The following MECOM variants were observed in gnomAD, a reference collection of about 807,000 sequenced individuals.
The protein encoded by MECOM is histone-lysine N-methyltransferase MECOM.
MECOM carries 13 observed loss-of-function variants against 116.3 expected under a neutral mutation model. That is an observed-to-expected ratio of 0.11 (90% confidence interval 0.07 to 0.18). MECOM has a LOEUF of 0.18. Ranked by LOEUF, MECOM falls within the 10% of genes least tolerant of loss-of-function variation. The pLI is 1.00. For missense variants in MECOM, 1,299 were observed against 1,509.0 expected, an observed-to-expected ratio of 0.86 and a Z score of 2.31; for synonymous variants, 528 against 535.2, an observed-to-expected ratio of 0.99 and a Z score of 0.19.
At chr3:169,444,869 G>A (rs1744343887) in intron 1 of MECOM, among the ~76,000 whole-genome samples, 1 of 152,150 alleles carries the variant, frequency 6.6e-6, no homozygotes, top group Admixed American at 6.5e-5. Flanking sequence ...TGGAGATGAG[G>A]AACTTGTTGG....
At chr3:169,245,346 CT>C in intron 2 of MECOM, among the ~76,000 whole-genome samples, 1 of 152,192 alleles carries the variant, frequency 6.6e-6, no homozygotes. Context: ...GAGACATTAG[CT>C]TTAAAAAAGC....
intron 2 of MECOM, among the ~76,000 whole-genome samples, chr3:169,155,851 C>A (rs1741884935): frequency 1.3e-5 from 2 of 152,120 alleles, no homozygotes; most frequent in South Asian, 4.1e-4. Context: ...ACACTGACAG[C>A]GTTCAGGAGA....
intron 1 of MECOM, among the ~76,000 whole-genome samples, chr3:169,590,698 T>C (rs1766303688): frequency 6.6e-6 from 1 of 152,196 alleles, no homozygotes. Context: ...AATGAAAACC[T>C]TGGGATTTTT....
intron 2 of MECOM, among the ~76,000 whole-genome samples, chr3:169,334,532 G>T (rs1192609221): frequency 1.3e-5 from 2 of 152,096 alleles, no homozygotes; most frequent in African/African-American, 4.8e-5. Context: ...ATTCCAACCT[G>T]CAAGAACCAC....
intron 1 of MECOM, among the ~76,000 whole-genome samples, chr3:169,407,459 T>G (rs1736885360): frequency 1.3e-5 from 2 of 152,228 alleles, no homozygotes; most frequent in Non-Finnish European, 2.9e-5. Context: ...AAAACATTTT[T>G]TGTAATTTAT....
chr3:169,115,320 T>C (rs906440909), intron 8 of MECOM, 63 bp downstream of exon 8: 15 of 1,521,558 alleles, frequency 9.9e-6, no homozygotes, highest in South Asian at 3.9e-5. Flanking sequence ...GCCATCACTT[T>C]ACAGTGGAAA....
At chr3:169,158,118 G>A (rs1426273232) in intron 2 of MECOM, among the ~76,000 whole-genome samples, 1 of 152,146 alleles carries the variant, frequency 6.6e-6, no homozygotes, top group Non-Finnish European at 1.5e-5. Flanking sequence ...CTCAAAAAAA[G>A]TGTTGATTAA....
chr3:169,413,399 C>T (rs1737914251), intron 1 of MECOM, among the ~76,000 whole-genome samples: 2 of 152,194 alleles, frequency 1.3e-5, no homozygotes, highest in South Asian at 2.1e-4. Flanking sequence ...ACCACAAGTG[C>T]CCTCGGTATC....
chr3:169,279,092 A>C (rs1398283558), intron 2 of MECOM, among the ~76,000 whole-genome samples: 3 of 152,174 alleles, frequency 2.0e-5, no homozygotes, highest in Admixed American at 2.0e-4. Context: ...GGCTTAGTTC[A>C]CTCAAATGTG....
At chr3:169,085,157 C>T (rs889451309) in intron 16 of MECOM, 114 bp from the exon 17 acceptor site, 1 of 1,307,028 alleles carries the variant, frequency 7.7e-7, no homozygotes, top group African/African-American at 1.5e-5. Context: ...GGGCATCCTT[C>T]ATGGGTGTGT....
intron 2 of MECOM, among the ~76,000 whole-genome samples, chr3:169,223,774 G>A (rs919330520): frequency 6.6e-6 from 1 of 152,096 alleles, no homozygotes; most frequent in Non-Finnish European, 1.5e-5. Context: ...ATGTACATAG[G>A]AAAAGGTATT....
In MECOM at chr3:169,608,387, T is replaced by C. The variant is rs903987559; in HGVS notation, c.37+54949A>G. ...AGCCAATTCGGGCAGCTGATCAGAG[T>C]GGCCTTGAAAGCAGATCTCGAGTCA... On this transcript the variant is annotated intron_variant, in intron 1 of 16. Coordinates refer to ENST00000651503, the MANE Select transcript of MECOM (RefSeq NM_004991.4). Among the ~76,000 whole-genome samples the C allele has an allele frequency of 2.0e-5, 3 of 152,090 alleles. No individual in the cohort carries two copies. The South Asian group carries it at 6.2e-4, about 32-fold the overall frequency.
At chr3:169,462,413 A>G (rs1222914750) in intron 1 of MECOM, among the ~76,000 whole-genome samples, 1 of 152,162 alleles carries the variant, frequency 6.6e-6, no homozygotes, top group Non-Finnish European at 1.5e-5. Context: ...GGAGAGAAAA[A>G]AGAAGACAAC....
Position 169,197,234 on chromosome 3 carries a change from C to A in MECOM, c.376-53402G>T, listed in dbSNP as rs141976147. ...AGTACTGTGCTCGTTACCTGGGTGACAAAATAATCTGTACACCAAACCCCC... is the reference window on the plus strand; with the variant it reads ...AGTACTGTGCTCGTTACCTGGGTGAAAAAATAATCTGTACACCAAACCCCC... On this transcript the variant is annotated intron_variant, in intron 2 of 16. Coordinates refer to ENST00000651503, the MANE Select transcript of MECOM (RefSeq NM_004991.4). Among the ~76,000 whole-genome samples, 1,358 of 151,774 alleles carry A rather than the reference C, an allele frequency of 8.9e-3. 12 individuals carry two copies. Among genetic ancestry groups the A allele is most frequent in the Non-Finnish European group, 0.015 (1,022 of 67,876 alleles).
chr3:169,224,385 AAC>A (rs1752485134), intron 2 of MECOM, among the ~76,000 whole-genome samples: 1 of 152,342 alleles, frequency 6.6e-6, no homozygotes, highest in South Asian at 2.1e-4. Flanking sequence ...GTGGTCATCC[AAC>A]ACAACGTAAA....
intron 1 of MECOM, among the ~76,000 whole-genome samples, chr3:169,474,554 TTAGATA>T (rs1750051870): frequency 6.6e-6 from 1 of 152,136 alleles, no homozygotes; most frequent in Admixed American, 6.6e-5. Context: ...ATATTTATGA[TTAGATA>T]TAAAGTAACT....
At chr3:169,619,984 G>A (rs1194458593) in intron 1 of MECOM, among the ~76,000 whole-genome samples, 2 of 152,138 alleles carry the variant, frequency 1.3e-5, no homozygotes, top group Non-Finnish European at 2.9e-5. Context: ...AACAATAGCG[G>A]CTTCTTGTTT....
intron 3 of MECOM, among the ~76,000 whole-genome samples, chr3:169,137,687 T>C (rs1160964270): frequency 6.6e-6 from 1 of 152,100 alleles, no homozygotes; most frequent in Non-Finnish European, 1.5e-5. Flanking sequence ...GACCAAGATA[T>C]CTTTGGTGTG....
intron 1 of MECOM, among the ~76,000 whole-genome samples, chr3:169,440,462 T>C (rs370418313): frequency 1.5e-4 from 23 of 151,586 alleles, no homozygotes; most frequent in South Asian, 6.3e-4. Context: ...AAGAAAAGCA[T>C]TCCAGGCAGG....
Sources: allele counts gnomAD v4.1 joint callset (sites outside exome capture counted in the v4.1 genomes callset), GRCh38; gene constraint gnomAD v4.1.1; transcripts MANE v1.5; gene names NCBI Gene and HGNC (gene_info 2026-07-23, HGNC 2026-07-21).